PM20D2: variants seen among roughly 807,000 people sequenced by gnomAD.
The protein encoded by PM20D2 is xaa-Arg dipeptidase.
A neutral mutation model predicts 42.9 loss-of-function variants in PM20D2; 33 were observed. The observed-to-expected ratio is 0.77, with a 90% confidence interval of 0.58 to 1.03. PM20D2 has a LOEUF of 1.03. Ranked by LOEUF, PM20D2 falls within the 50% of genes least tolerant of loss-of-function variation. PM20D2 has a pLI of 0.00. For missense variants in PM20D2, 548 were observed against 557.0 expected (o/e 0.98, Z 0.16); for synonymous variants, 250 against 228.2 (o/e 1.10, Z -0.86).
At position 89,161,962 on chromosome 6, in the gene PM20D2, CCTA is replaced by C. The variant is rs1315571649; in HGVS notation, c.1156+76_1156+78del. The C allele has an allele frequency of 2.0e-6, 3 of 1,495,628 alleles. No individual in the cohort carries two copies. The African/African-American group carries it at 4.2e-5, about 21-fold the overall frequency. 92.6% of individuals were successfully genotyped at this position (1,495,628 alleles called of 1,614,324 possible). On this transcript the variant is annotated intron_variant, in intron 6 of 6. Coordinates refer to ENST00000275072, the MANE Select transcript of PM20D2 (RefSeq NM_001010853.3). Reference sequence around the variant, plus strand: ...TGGTAGTAGCTGCCTTTCTGTTTAACCTACTATTTCACTACATAACATCACCTC... The same window carrying C: ...TGGTAGTAGCTGCCTTTCTGTTTAACCTATTTCACTACATAACATCACCTC...
At chr6:89,109,350 T>C in the PM20D2 span, among the ~76,000 whole-genome samples, 1 of 152,214 alleles carries the variant, frequency 6.6e-6, no homozygotes, top group Admixed American at 6.5e-5. Context: ...CTAATGTAGC[T>C]GCTGGGCACA....
At chr6:89,095,402 G>A in the PM20D2 span, among the ~76,000 whole-genome samples, 1 of 152,086 alleles carries the variant, frequency 6.6e-6, no homozygotes, top group African/African-American at 2.4e-5. Context: ...TTTTTTAGTA[G>A]AGACCTGCTT....
At chr6:89,094,215 C>T in the PM20D2 span, among the ~76,000 whole-genome samples, 1 of 151,402 alleles carries the variant, frequency 6.6e-6, no homozygotes, top group African/African-American at 2.4e-5. Flanking sequence ...GCCACCGCAC[C>T]GGCCTCTTTA....
chr6:89,096,232 G>A, the PM20D2 span: 1 of 152,116 alleles, frequency 6.6e-6, no homozygotes, highest in African/African-American at 2.4e-5. Flanking sequence ...AAAAGACATA[G>A]GAACAGCAGT....
the PM20D2 span, among the ~76,000 whole-genome samples, chr6:89,133,089 C>A: frequency 2.7e-5 from 4 of 148,794 alleles, no homozygotes; most frequent in Non-Finnish European, 5.9e-5. Flanking sequence ...ATTAGCCAGG[C>A]ATGGTGATGC....
the PM20D2 span, among the ~76,000 whole-genome samples, chr6:89,135,798 C>T: frequency 4.0e-5 from 6 of 151,116 alleles, no homozygotes. Flanking sequence ...CCTTTTTGAC[C>T]AGGAAGATGA....
chr6:89,141,975 C>CTTTT (rs1460163273), upstream of PM20D2, among the ~76,000 whole-genome samples: 1 of 77,158 alleles, frequency 1.3e-5, no homozygotes, highest in African/African-American at 6.4e-5. Flanking sequence ...GGCTTATTTA[C>CTTTT]TATTTATTTT....
the PM20D2 span, among the ~76,000 whole-genome samples, chr6:89,128,395 C>T: frequency 6.6e-6 from 1 of 151,856 alleles, no homozygotes; most frequent in Non-Finnish European, 1.5e-5. Flanking sequence ...AATTTGTGGT[C>T]AGATCAGTTC....
At chr6:89,111,003 T>G in the PM20D2 span, among the ~76,000 whole-genome samples, 1 of 152,084 alleles carries the variant, frequency 6.6e-6, no homozygotes, top group East Asian at 1.9e-4. Flanking sequence ...TCCCAGCTAC[T>G]TAGGAGGCTG....
the PM20D2 span, among the ~76,000 whole-genome samples, chr6:89,116,723 C>T: frequency 6.6e-6 from 1 of 150,974 alleles, no homozygotes; most frequent in Non-Finnish European, 1.5e-5. Context: ...TGCAGCCAAC[C>T]AAGATCGGGC....
chr6:89,120,256 A>G, the PM20D2 span, among the ~76,000 whole-genome samples: 1 of 152,192 alleles, frequency 6.6e-6, no homozygotes, highest in Non-Finnish European at 1.5e-5. Context: ...TATCCTATCC[A>G]GTTCTATCTC....
the PM20D2 span, among the ~76,000 whole-genome samples, chr6:89,117,256 A>AT: frequency 6.6e-6 from 1 of 152,306 alleles, no homozygotes; most frequent in Admixed American, 6.5e-5. Context: ...CATTGAAGTT[A>AT]TTTTTTGTAT....
chr6:89,114,383 G>A, the PM20D2 span, among the ~76,000 whole-genome samples: 1 of 152,174 alleles, frequency 6.6e-6, no homozygotes, highest in African/African-American at 2.4e-5. Context: ...AGCCGAGATC[G>A]TGCCACTGCA....
chr6:89,123,060 G>T, the PM20D2 span, among the ~76,000 whole-genome samples: 1 of 152,248 alleles, frequency 6.6e-6, no homozygotes, highest in Admixed American at 6.5e-5. Context: ...AACTAGGAGG[G>T]ATCAAACTAA....
Position 89,149,326 on chromosome 6 carries a change from C to G in PM20D2, c.527C>G (p.Ala176Gly), listed in dbSNP as rs1287263285. Residue 176 changes from alanine (A) to glycine (G), a missense_variant, in exon 2 of 7, where the codon GCA (alanine) becomes GGA (glycine). Physicochemically the swap from Ala to Gly is moderately conservative, Grantham distance 60. This residue lies in a region of PM20D2 where 470 missense variants were observed against 464.4 expected (regional missense o/e 1.01). Coordinates refer to ENST00000275072, the MANE Select transcript of PM20D2 (RefSeq NM_001010853.3). ...DGGGKIDLIE[A>G]GAFTNLDVVF... is the part of the protein sequence containing the mutation. Reference sequence around the variant, plus strand: ...GGTGGCAAAATTGATTTAATTGAAGCAGGGGCTTTTACAAATCTTGATGTT... The same window carrying G: ...GGTGGCAAAATTGATTTAATTGAAGGAGGGGCTTTTACAAATCTTGATGTT... 1 of 1,613,898 alleles carries G rather than the reference C, an allele frequency of 6.2e-7. No individual in the cohort carries two copies. Among genetic ancestry groups the G allele is most frequent in the East Asian group, 2.2e-5 (1 of 44,880 alleles).
the PM20D2 span, among the ~76,000 whole-genome samples, chr6:89,102,573 C>T: frequency 6.6e-6 from 1 of 151,626 alleles, no homozygotes; most frequent in African/African-American, 2.4e-5. Context: ...AGAAAATGTC[C>T]TTGAAAAAAA....
the PM20D2 span, among the ~76,000 whole-genome samples, chr6:89,136,172 A>G: frequency 1.3e-5 from 2 of 151,148 alleles, no homozygotes; most frequent in Non-Finnish European, 2.9e-5. Context: ...CAGAATGCCT[A>G]TGGCCACTTC....
At chr6:89,106,489 A>C in the PM20D2 span, among the ~76,000 whole-genome samples, 1 of 152,236 alleles carries the variant, frequency 6.6e-6, no homozygotes, top group Non-Finnish European at 1.5e-5. Context: ...CTGGAATTAC[A>C]TATACTGGTT....
chr6:89,135,465 T>G, the PM20D2 span, among the ~76,000 whole-genome samples: 1 of 151,322 alleles, frequency 6.6e-6, no homozygotes, highest in Non-Finnish European at 1.5e-5. Context: ...ATTTCAAGTT[T>G]TCTTGGACAG....
Sources: allele counts gnomAD v4.1 joint callset (sites outside exome capture counted in the v4.1 genomes callset), GRCh38; gene constraint gnomAD v4.1.1; regional missense constraint gnomAD v4.1.1; transcripts MANE v1.5; gene names NCBI Gene and HGNC (gene_info 2026-07-23, HGNC 2026-07-21).